ALG6: variants seen among roughly 807,000 people sequenced by gnomAD.
ALG6 encodes dolichyl pyrophosphate Man9GlcNAc2 alpha-1,3-glucosyltransferase.
In ALG6, 46 loss-of-function variants were observed where a neutral mutation model predicts 66.6. That is an observed-to-expected ratio of 0.69 (90% CI 0.55 to 0.88). The LOEUF is 0.88. Among genes scored for constraint, ALG6 ranks in the 40% least tolerant of loss-of-function variants. The pLI, the probability that ALG6 is intolerant of heterozygous loss-of-function variation, is 0.00. For missense variants in ALG6, 505 were observed against 586.8 expected, an observed-to-expected ratio of 0.86 and a Z score of 1.44; for synonymous variants, 185 against 203.7, an observed-to-expected ratio of 0.91 and a Z score of 0.78.
At chr1:63,434,676 ATTCT>A (rs760536628) in intron 14 of ALG6, among the ~76,000 whole-genome samples, 9 of 152,324 alleles carry the variant, frequency 5.9e-5, no homozygotes, top group Non-Finnish European at 8.8e-5. Context: ...GCCCAAGATA[ATTCT>A]TCTTTTTCCA....
Position 63,438,520 on chromosome 1 carries a change from A to G in ALG6, c.*1500A>G, listed in dbSNP as rs1362675188. The G allele has an allele frequency of 1.3e-5, 2 of 152,236 alleles. No individual in the cohort carries two copies. The highest frequency in any genetic ancestry group is 4.8e-5 in the African/African-American group (2 of 41,458). The allele number at this position is 152,236 out of a possible 1,614,324, so 9.4% of individuals were successfully genotyped here. ...TAGCATAACTTTATTATTTGGAAAT[A>G]AAAGTATTATGTACATATATTAGTA... On this transcript the variant is annotated 3_prime_UTR_variant, in exon 15 of 15. Coordinates refer to ENST00000263440, the MANE Select transcript of ALG6 (RefSeq NM_013339.4).
chr1:63,401,105 A>G (rs937127192), intron 3 of ALG6, among the ~76,000 whole-genome samples: 1 of 152,112 alleles, frequency 6.6e-6, no homozygotes, highest in Non-Finnish European at 1.5e-5. Context: ...GATTGTTCAC[A>G]TGGATGTTTC....
intron 7 of ALG6, among the ~76,000 whole-genome samples, chr1:63,408,993 T>C (rs888502409): frequency 1.3e-5 from 2 of 152,208 alleles, no homozygotes; most frequent in Non-Finnish European, 2.9e-5. Context: ...TTGGCCAGAC[T>C]GGTCTCAAAC....
intron 14 of ALG6, among the ~76,000 whole-genome samples, chr1:63,432,752 A>T (rs1181292639): frequency 1.3e-5 from 2 of 152,320 alleles, no homozygotes; most frequent in East Asian, 1.9e-4. Flanking sequence ...AATATTTGAC[A>T]ACTACTACAA....
At position 63,415,903 on chromosome 1, in the gene ALG6, T is replaced by C; in HGVS notation, c.933T>C (p.Pro311=). 1 of 1,611,842 alleles carries C rather than the reference T, an allele frequency of 6.2e-7. No individual in the cohort carries two copies. The highest frequency in any genetic ancestry group is 1.1e-5 in the South Asian group (1 of 90,906). The change falls in exon 11 of 15, where the codon CCT becomes CCC. Residue 311 remains proline, a synonymous_variant. Transcript: ENST00000263440. The part of the protein sequence containing the change: ...SFCSTFLSLL[P]ACIKLILQPS... ...GTTCTACGTTTTTGAGCCTGCTTCC[T>C]GCATGCATAAAATTAATACTTCAGC...
chr1:63,400,934 G>A (rs1185000143), intron 3 of ALG6, among the ~76,000 whole-genome samples: 1 of 152,202 alleles, frequency 6.6e-6, no homozygotes, highest in African/African-American at 2.4e-5. Context: ...ATTGGTGCCT[G>A]TCTTCAGGTA....
At chr1:63,381,918 G>C (rs955998974) in intron 2 of ALG6, among the ~76,000 whole-genome samples, 1 of 152,030 alleles carries the variant, frequency 6.6e-6, no homozygotes, top group African/African-American at 2.4e-5. Flanking sequence ...AGCTGCAGTA[G>C]AGTGACTATT....
chr1:63,400,268 CGT>C (rs1491492689), intron 3 of ALG6, among the ~76,000 whole-genome samples: 563 of 12,964 alleles, frequency 0.043, 174 homozygotes, highest in African/African-American at 0.17. Context: ...TATATATATA[CGT>C]ATATATATAT....
At chr1:63,381,538 T>C (rs1648306875) in intron 2 of ALG6, among the ~76,000 whole-genome samples, 1 of 151,368 alleles carries the variant, frequency 6.6e-6, no homozygotes, top group Non-Finnish European at 1.5e-5. Context: ...CAGCTACTGA[T>C]AGTGGGGGCT....
At chr1:63,386,040 A>G (rs1364391521) in intron 2 of ALG6, among the ~76,000 whole-genome samples, 1 of 152,164 alleles carries the variant, frequency 6.6e-6, no homozygotes, top group East Asian at 1.9e-4. Flanking sequence ...GTGGAATTGT[A>G]TCAGATACTT....
intron 3 of ALG6, among the ~76,000 whole-genome samples, chr1:63,398,093 A>G (rs1008727323): frequency 5.9e-5 from 9 of 152,168 alleles, no homozygotes; most frequent in Non-Finnish European, 1.0e-4. Flanking sequence ...GAGACTGGCT[A>G]TATAAACTGT....
At chr1:63,410,766 A>T (rs1231969689) in intron 7 of ALG6, among the ~76,000 whole-genome samples, 1 of 151,222 alleles carries the variant, frequency 6.6e-6, no homozygotes, top group African/African-American at 2.4e-5. Context: ...ATCTCAGTAA[A>T]TTTTTTTTTA....
chr1:63,423,125 G>A (rs1644596979), intron 12 of ALG6, among the ~76,000 whole-genome samples: 1 of 150,894 alleles, frequency 6.6e-6, no homozygotes, highest in Non-Finnish European at 1.5e-5. Context: ...CCGGGTTCAA[G>A]CGATTCTCCC....
At chr1:63,407,181 C>T in intron 7 of ALG6, 55 bp downstream of exon 7, 1 of 1,267,284 alleles carries the variant, frequency 7.9e-7, no homozygotes, top group South Asian at 1.2e-5. Flanking sequence ...AATCTAGACT[C>T]AATGTGTACA....
chr1:63,410,355 A>G (rs751572963), intron 7 of ALG6, among the ~76,000 whole-genome samples: 1 of 152,122 alleles, frequency 6.6e-6, no homozygotes, highest in Non-Finnish European at 1.5e-5. Flanking sequence ...CCTGGGCTCA[A>G]GCAGTCCTCC....
At chr1:63,414,533 A>G (rs1430882799) in intron 10 of ALG6, among the ~76,000 whole-genome samples, 3 of 152,308 alleles carry the variant, frequency 2.0e-5, no homozygotes, top group African/African-American at 2.4e-5. Context: ...TACAGGCATG[A>G]GCCACTGCAC....
Position 63,436,903 on chromosome 1 carries a change from G to T in ALG6, c.1407G>T (p.Leu469Phe). Residue 469 changes from leucine to phenylalanine, a missense_variant, in exon 15 of 15, where the codon TTG becomes TTT. Physicochemically the swap from Leu to Phe is conservative, Grantham distance 22. Transcript: ENST00000263440. ...TLDPPQKLPD[L>F]FSVLVCFVSC... is the part of the protein sequence containing the mutation. ...ATCCTCCTCAGAAACTACCGGACTT[G>T]TTTTCTGTATTGGTGTGTTTTGTAT... 2.5e-6 allele frequency: 4 copies of T among 1,613,780 alleles called. No individual in the cohort carries two copies. Among genetic ancestry groups the T allele is most frequent in the Non-Finnish European group, 3.4e-6 (4 of 1,179,784 alleles).
intron 14 of ALG6, among the ~76,000 whole-genome samples, chr1:63,430,482 T>G (rs1231325318): frequency 6.6e-6 from 1 of 152,212 alleles, no homozygotes; most frequent in East Asian, 1.9e-4. Context: ...TGCCAAACTG[T>G]TTTCCAAAGT....
intron 9 of ALG6, 106 bp downstream of exon 9, chr1:63,412,167 C>T: frequency 6.7e-7 from 1 of 1,497,116 alleles, no homozygotes; most frequent in Non-Finnish European, 9.2e-7. Context: ...CTACTTTCCT[C>T]CTGTAATCAT....
Sources: allele counts gnomAD v4.1 joint callset (sites outside exome capture counted in the v4.1 genomes callset), GRCh38; gene constraint gnomAD v4.1.1; transcripts MANE v1.5; gene names NCBI Gene and HGNC (gene_info 2026-07-23, HGNC 2026-07-21).